Variants in LMBRD1 observed in about 807,000 individuals in gnomAD.
LMBRD1 encodes LMBR1 domain containing 1.
Under a neutral mutation model 74.8 loss-of-function variants are expected in LMBRD1, and 64 were observed. The ratio of observed to expected loss-of-function variants is 0.86; its 90% CI spans 0.70 to 1.05. The LOEUF (loss-of-function observed/expected upper bound fraction) is 1.05. LMBRD1 is among the 50% of genes least tolerant of loss of function. LMBRD1 has a pLI of 0.00. For synonymous variants in LMBRD1, 204 were observed against 216.3 expected (o/e 0.94, Z 0.50); for missense variants, 652 against 645.9 (o/e 1.01, Z -0.10).
intron 7 of LMBRD1, 94 bp from the exon 8 acceptor site, chr6:69,719,175 T>A: frequency 1.7e-6 from 2 of 1,184,682 alleles, no homozygotes; most frequent in Non-Finnish European, 1.2e-6. Flanking sequence ...GTCATAAGAG[T>A]CAGCAGTTGT....
intron 14 of LMBRD1, among the ~76,000 whole-genome samples, chr6:69,677,019 T>C (rs995426225): frequency 6.6e-6 from 1 of 152,164 alleles, no homozygotes; most frequent in Admixed American, 6.6e-5. Flanking sequence ...AACACTCCTA[T>C]AACAGAAGAC....
intron 14 of LMBRD1, among the ~76,000 whole-genome samples, chr6:69,681,214 G>T (rs1187769409): frequency 6.6e-6 from 1 of 151,670 alleles, no homozygotes; most frequent in Non-Finnish European, 1.5e-5. Flanking sequence ...AGAATTCAAA[G>T]GGCCAAAAAG....
intron 6 of LMBRD1, among the ~76,000 whole-genome samples, chr6:69,739,266 T>C (rs528664803): frequency 2.0e-5 from 3 of 152,292 alleles, no homozygotes; most frequent in South Asian, 4.1e-4. Context: ...ATATTACTAA[T>C]AGTCAAAATC....
intron 3 of LMBRD1, among the ~76,000 whole-genome samples, chr6:69,778,428 C>T (rs1765751573): frequency 6.6e-6 from 1 of 152,184 alleles, no homozygotes; most frequent in African/African-American, 2.4e-5. Flanking sequence ...TTAATTCTCT[C>T]CATGGAACAA....
chr6:69,689,872 T>C (rs1376354322), intron 14 of LMBRD1, among the ~76,000 whole-genome samples: 1 of 152,108 alleles, frequency 6.6e-6, no homozygotes, highest in Non-Finnish European at 1.5e-5. Context: ...CAGGTAAATC[T>C]GAAAAATAAC....
rs147665527 is a variant in LMBRD1, at chr6:69,695,292, A to T, written c.1417+2271T>A. ...TTGACTCCGCACATCTTCTTCATGG[A>T]ATTAATTTTTATCTCTAACATTAAA... On this transcript the variant is annotated intron_variant, in intron 14 of 15. Transcript: ENST00000649934. Among the ~76,000 whole-genome samples the T allele has an allele frequency of 3.2e-4, 48 of 151,946 alleles. No individual in the cohort carries two copies. The East Asian group carries it at 7.3e-3, about 23-fold the overall frequency.
At chr6:69,794,155 T>C (rs954883030) in intron 1 of LMBRD1, among the ~76,000 whole-genome samples, 3 of 152,216 alleles carry the variant, frequency 2.0e-5, no homozygotes, top group Non-Finnish European at 4.4e-5. Context: ...AAGATGCTAT[T>C]TGCCTTTTTC....
chr6:69,773,172 T>C (rs959306952), intron 3 of LMBRD1, among the ~76,000 whole-genome samples: 3 of 152,068 alleles, frequency 2.0e-5, no homozygotes, highest in Non-Finnish European at 2.9e-5. Context: ...TGGGAGGTAT[T>C]TGGGTAGCAA....
At chr6:69,764,121 G>A (rs1765429818) in intron 3 of LMBRD1, among the ~76,000 whole-genome samples, 1 of 152,162 alleles carries the variant, frequency 6.6e-6, no homozygotes, top group Admixed American at 6.5e-5. Context: ...CATGGATTCT[G>A]GGCTGCCAGG....
chr6:69,682,164 C>T (rs1383173768), intron 14 of LMBRD1, among the ~76,000 whole-genome samples: 1 of 151,630 alleles, frequency 6.6e-6, no homozygotes, highest in Non-Finnish European at 1.5e-5. Context: ...ATAATAAAAA[C>T]CAAAGTTGTA....
intron 6 of LMBRD1, 59 bp downstream of exon 6, chr6:69,741,730 A>G: frequency 9.4e-7 from 1 of 1,061,206 alleles, no homozygotes; most frequent in Non-Finnish European, 1.5e-6. Flanking sequence ...CTGCTTCTCA[A>G]AAGTCCAAAG....
At chr6:69,729,516 T>G (rs1238736830) in intron 7 of LMBRD1, among the ~76,000 whole-genome samples, 1 of 151,970 alleles carries the variant, frequency 6.6e-6, no homozygotes, top group Non-Finnish European at 1.5e-5. Flanking sequence ...ACATTTATTA[T>G]TAAATTAATA....
chr6:69,702,143 A>G (rs1766146332), intron 9 of LMBRD1, among the ~76,000 whole-genome samples, 190 bp from the exon 10 acceptor site: 1 of 151,930 alleles, frequency 6.6e-6, no homozygotes, highest in African/African-American at 2.4e-5. Context: ...TATTTGATTG[A>G]GAACATGTAC....
intron 4 of LMBRD1, among the ~76,000 whole-genome samples, chr6:69,749,892 ACTC>A (rs1405974595): frequency 0.013 from 1,673 of 130,456 alleles, 40 homozygotes; most frequent in African/African-American, 0.048. Context: ...ACATATACAT[ACTC>A]ATATATACAT....
intron 3 of LMBRD1, among the ~76,000 whole-genome samples, chr6:69,764,392 T>G (rs1218269603): frequency 3.3e-5 from 5 of 152,136 alleles, no homozygotes; most frequent in Non-Finnish European, 7.4e-5. Flanking sequence ...CAGCTAGCTA[T>G]CTATAAGCAT....
At chr6:69,712,407 T>C (rs1292695035) in intron 9 of LMBRD1, among the ~76,000 whole-genome samples, 1 of 151,370 alleles carries the variant, frequency 6.6e-6, no homozygotes, top group African/African-American at 2.4e-5. Flanking sequence ...AATCTAACAA[T>C]GAGGCAAATT....
At chr6:69,700,662 G>C (rs981906516) in intron 12 of LMBRD1, 103 bp downstream of exon 12, 2 of 762,056 alleles carry the variant, frequency 2.6e-6, no homozygotes, top group South Asian at 5.8e-5. Context: ...CTCACTTGTG[G>C]TATAAAGATA....
At chr6:69,778,994 T>G (rs945164601) in intron 3 of LMBRD1, among the ~76,000 whole-genome samples, 3 of 151,982 alleles carry the variant, frequency 2.0e-5, no homozygotes, top group Non-Finnish European at 4.4e-5. Flanking sequence ...AAGACCAGCC[T>G]GGCCAACATG....
intron 5 of LMBRD1, among the ~76,000 whole-genome samples, chr6:69,743,483 TA>T (rs1767151317): frequency 2.6e-5 from 4 of 152,028 alleles, no homozygotes; most frequent in Admixed American, 2.6e-4. Context: ...TCAAATAGAG[TA>T]ATACCAGAGG....
Sources: gnomAD v4.1 joint callset for allele counts (sites outside exome capture counted in the v4.1 genomes callset) on GRCh38, gnomAD v4.1.1 for gene constraint, MANE v1.5 for transcripts, NCBI Gene and HGNC (gene_info 2026-07-23, HGNC 2026-07-21) for gene names.